The following GPR107 variants were observed in gnomAD, a reference collection of about 807,000 sequenced individuals.
GPR107 encodes the protein G protein-coupled receptor 107.
A neutral mutation model predicts 75.5 loss-of-function variants in GPR107; 31 were observed. The ratio of observed to expected loss-of-function variants is 0.41; its 90% CI spans 0.31 to 0.55. The LOEUF (loss-of-function observed/expected upper bound fraction) is 0.55, where lower values mean the gene tolerates loss of function less well. Ranked by LOEUF, GPR107 falls within the 20% of genes least tolerant of loss-of-function variation. The probability of loss-of-function intolerance (pLI) is 0.26; values close to 1 mark genes in which losing one functional copy is unlikely to be tolerated. For missense variants in GPR107, 572 were observed against 665.7 expected, an observed-to-expected ratio of 0.86 and a Z score of 1.55; for synonymous variants, 267 against 251.3, an observed-to-expected ratio of 1.06 and a Z score of -0.59.
intron 9 of GPR107, among the ~76,000 whole-genome samples, chr9:130,096,709 C>T (rs558479758): frequency 3.7e-4 from 57 of 152,182 alleles, no homozygotes; most frequent in Non-Finnish European, 7.4e-4. Context: ...CTCAGGTGAT[C>T]GGCCTCCCAA....
At position 130,136,571 on chromosome 9, in the gene GPR107, A is replaced by G. The variant is rs1170184853; in HGVS notation, c.*1450A>G. ...CGTGGTCTCTGGGAGTTGTTTTCTC[A>G]CCTCTGGCTTAGAAGGGTCAGGCAG... is the stretch of plus-strand genomic sequence containing the variant. On this transcript the variant is annotated 3_prime_UTR_variant, in exon 18 of 18. Coordinates refer to ENST00000347136, the MANE Select transcript of GPR107 (RefSeq NM_020960.5). The G allele has an allele frequency of 6.6e-6, 1 of 152,010 alleles. No homozygotes were observed. Among genetic ancestry groups the G allele is most frequent in the Non-Finnish European group, 1.5e-5 (1 of 68,004 alleles). The allele number at this position is 152,010 out of a possible 1,614,324, so 9.4% of individuals were successfully genotyped here.
At chr9:130,100,052 G>A (rs1387958544) in intron 10 of GPR107, among the ~76,000 whole-genome samples, 1 of 151,592 alleles carries the variant, frequency 6.6e-6, no homozygotes, top group Non-Finnish European at 1.5e-5. Context: ...CCGCCACCAC[G>A]CCCAGCTAAT....
At chr9:130,101,823 G>A (rs1442893802) in intron 12 of GPR107, among the ~76,000 whole-genome samples, 2 of 152,186 alleles carry the variant, frequency 1.3e-5, no homozygotes, top group Non-Finnish European at 2.9e-5. Context: ...ACCCTGCTCT[G>A]CTTGACCAGA....
intron 8 of GPR107, 109 bp from the exon 9 acceptor site, chr9:130,092,139 C>T (rs1830754008): frequency 1.1e-6 from 1 of 886,320 alleles, no homozygotes; most frequent in Non-Finnish European, 1.8e-6. Flanking sequence ...CATGCCCAGC[C>T]ACTGGTACTT....
Position 130,076,404 on chromosome 9 carries a change from C to A in GPR107, c.256-8C>A. On this transcript the variant is annotated splice_polypyrimidine_tract_variant and splice_region_variant and intron_variant, in intron 2 of 17. Transcript: ENST00000347136. ...ATATTTACTTCTACTGTTTTTACTC[C>A]CCATTAGATTGGATTTAGCCTAGAC... 1 of 1,512,192 alleles carries A rather than the reference C, an allele frequency of 6.6e-7. No individual in the cohort carries two copies. The allele number at this position is 1,512,192 out of a possible 1,614,324, so 93.7% of individuals were successfully genotyped here. A position where few individuals can be genotyped will look rare whatever the true frequency, so the allele number is the denominator to read the frequency against.
At chr9:130,076,490 A>T (rs746972038) in intron 3 of GPR107, 28 bp downstream of exon 3, 1 of 1,388,766 alleles carries the variant, frequency 7.2e-7, no homozygotes. Flanking sequence ...GACCTGATTC[A>T]TCTCTTCACC....
chr9:130,062,577 T>C lies in GPR107; in HGVS notation c.141+8504T>C, dbSNP rs201877708. The stretch of plus-strand genomic sequence containing the variant: ...AGACAGGCCCATAGACAGGTAGTTA[T>C]GATATAGCATGGTGGCTCTTTCGCC... On this transcript the variant is annotated intron_variant, in intron 1 of 17. Transcript: ENST00000347136. 3.9e-4 allele frequency among the ~76,000 whole-genome samples: 59 copies of C among 151,992 alleles called. 1 individual carries two copies. In the East Asian group the frequency reaches 0.01, roughly 26 times the overall value.
At chr9:130,080,500 T>TTTATTTATTTAG (rs1830467470) in intron 5 of GPR107, among the ~76,000 whole-genome samples, 1 of 151,592 alleles carries the variant, frequency 6.6e-6, no homozygotes, top group African/African-American at 2.4e-5. Context: ...TATTTATTTA[T>TTTATTTATTTAG]TTATTTTTTG....
rs897045733 is a variant in GPR107 at position 130,103,557 on chromosome 9, G to T, written c.1132-863G>T. Among the ~76,000 whole-genome samples the T allele has an allele frequency of 1.3e-5, 2 of 152,148 alleles. No homozygotes were observed. Among genetic ancestry groups the T allele is most frequent in the African/African-American group, 4.8e-5 (2 of 41,430 alleles). On this transcript the variant is annotated intron_variant, in intron 12 of 17. Coordinates refer to ENST00000347136, the MANE Select transcript of GPR107 (RefSeq NM_020960.5). The surrounding 1 kb of genome is among the most constrained non-coding windows in gnomAD (Gnocchi z 4.3). ...GCTAAGAGCCTAATAACGGGCCTGA[G>T]TACAGAGCTTAATAGTGGGCCTGAG...
intron 10 of GPR107, 91 bp from the exon 11 acceptor site, chr9:130,100,538 G>T (rs1830998238): frequency 1.1e-6 from 1 of 941,038 alleles, no homozygotes; most frequent in Non-Finnish European, 1.7e-6. Flanking sequence ...ACAATGATTT[G>T]GATAATTTCC....
At chr9:130,075,558 T>C in intron 1 of GPR107, 78 bp from the exon 2 acceptor site, 1 of 801,058 alleles carries the variant, frequency 1.2e-6, no homozygotes, top group Non-Finnish European at 2.2e-6. Context: ...ATATCATACT[T>C]TTTAAAGCAA....
At chr9:130,082,886 T>G (rs1263725875) in intron 5 of GPR107, among the ~76,000 whole-genome samples, 1 of 151,932 alleles carries the variant, frequency 6.6e-6, no homozygotes, top group Non-Finnish European at 1.5e-5. Context: ...ATGCTAATAT[T>G]ACTTGCTGTT....
intron 15 of GPR107, 143 bp downstream of exon 15, chr9:130,125,107 T>TTTC (rs1453497055): frequency 3.9e-6 from 2 of 517,114 alleles, no homozygotes; most frequent in East Asian, 3.5e-5. Context: ...TTTTTTTTTT[T>TTTC]TTTTTTCTGG....
intron 1 of GPR107, among the ~76,000 whole-genome samples, chr9:130,058,379 A>G (rs1167973161): frequency 1.3e-5 from 2 of 152,130 alleles, no homozygotes; most frequent in African/African-American, 2.4e-5. Context: ...CACTAGTCCC[A>G]GGCAGCCACT....
intron 4 of GPR107, 34 bp downstream of exon 4, chr9:130,077,412 T>C (rs1830376028): frequency 9.7e-7 from 1 of 1,026,838 alleles, no homozygotes; most frequent in South Asian, 1.3e-5. Flanking sequence ...AGTTCAGTCC[T>C]AGAGTAGAGT....
intron 1 of GPR107, among the ~76,000 whole-genome samples, chr9:130,064,702 G>C (rs1358593435): frequency 6.6e-6 from 1 of 152,150 alleles, no homozygotes; most frequent in Non-Finnish European, 1.5e-5. Flanking sequence ...TGTCTTTGCA[G>C]TTAACATTAG....
chr9:130,064,739 T>A (rs1278896907), intron 1 of GPR107, among the ~76,000 whole-genome samples: 1 of 152,086 alleles, frequency 6.6e-6, no homozygotes, highest in African/African-American at 2.4e-5. Flanking sequence ...GTGGGCCCTA[T>A]TTTCAGTGTG....
intron 14 of GPR107, among the ~76,000 whole-genome samples, chr9:130,120,001 T>C (rs1831513229): frequency 6.6e-6 from 1 of 152,152 alleles, no homozygotes; most frequent in Non-Finnish European, 1.5e-5. Flanking sequence ...TTTATGTTTA[T>C]TTTTAGTAGA....
chr9:130,119,445 T>C (rs528072440), intron 14 of GPR107, among the ~76,000 whole-genome samples: 2 of 152,334 alleles, frequency 1.3e-5, no homozygotes, highest in African/African-American at 2.4e-5. Context: ...CCAGCTGCTT[T>C]CTGTGTACTA....
Sources: gnomAD v4.1 joint callset for allele counts (sites outside exome capture counted in the v4.1 genomes callset) on GRCh38, gnomAD v4.1.1 for gene constraint, Gnocchi (gnomAD v3.1) non-coding constraint, MANE v1.5 for transcripts, NCBI Gene and HGNC (gene_info 2026-07-23, HGNC 2026-07-21) for gene names.